The following NFXL1 variants were observed in gnomAD, a reference collection of about 807,000 sequenced individuals.
NFXL1 encodes the protein NF-X1-type zinc finger protein NFXL1.
A neutral mutation model predicts 123.3 loss-of-function variants in NFXL1; 66 were observed. The observed-to-expected ratio is 0.54, with a 90% CI of 0.44 to 0.66. The LOEUF is 0.66. Among genes scored for constraint, NFXL1 ranks in the 30% least tolerant of loss-of-function variants. The pLI, the probability that NFXL1 is intolerant of heterozygous loss-of-function variation, is 0.00. For synonymous variants in NFXL1, 346 were observed against 360.8 expected (o/e 0.96, Z 0.46); for missense variants, 944 against 1,125.6 (o/e 0.84, Z 2.31).
intron 20 of NFXL1, among the ~76,000 whole-genome samples, chr4:47,854,603 T>G (rs1734296639): frequency 6.6e-6 from 1 of 152,132 alleles, no homozygotes; most frequent in Non-Finnish European, 1.5e-5. Context: ...GCTATTCATA[T>G]GAGGTCTTTT....
At chr4:47,911,105 T>C (rs1403070510) in intron 2 of NFXL1, 111 bp from the exon 3 acceptor site, 9 of 587,324 alleles carry the variant, frequency 1.5e-5, no homozygotes, top group East Asian at 3.2e-5. Context: ...CTTTGGAGCA[T>C]TCTACCTTCC....
chr4:47,860,435 T>C (rs753843317), intron 19 of NFXL1, among the ~76,000 whole-genome samples: 7 of 152,228 alleles, frequency 4.6e-5, no homozygotes, highest in South Asian at 2.1e-4. Flanking sequence ...TAATAATCCA[T>C]AGAGTGTGTA....
chr4:47,875,885 A>C (rs1735717464), intron 17 of NFXL1, among the ~76,000 whole-genome samples: 1 of 152,188 alleles, frequency 6.6e-6, no homozygotes, highest in Non-Finnish European at 1.5e-5. Flanking sequence ...GTAACTTAAC[A>C]AGGCACCTCC....
At chr4:47,883,260 A>G (rs1736224493) in intron 15 of NFXL1, among the ~76,000 whole-genome samples, 1 of 152,122 alleles carries the variant, frequency 6.6e-6, no homozygotes, top group South Asian at 2.1e-4. Context: ...AAAACAAAAA[A>G]AAACAGACTA....
At chr4:47,908,867 T>G (rs1440343901) in intron 3 of NFXL1, among the ~76,000 whole-genome samples, 1 of 149,916 alleles carries the variant, frequency 6.7e-6, no homozygotes, top group African/African-American at 2.5e-5. Context: ...AGGCAGGAGA[T>G]TGGCATGAAC....
chr4:47,871,699 C>T (rs1430229888), intron 18 of NFXL1, among the ~76,000 whole-genome samples: 3 of 152,116 alleles, frequency 2.0e-5, no homozygotes, highest in Non-Finnish European at 2.9e-5. Flanking sequence ...ATTCCCCCTA[C>T]AAAACTTCTA....
At chr4:47,895,308 C>A (rs1380820997) in intron 10 of NFXL1, among the ~76,000 whole-genome samples, 1 of 152,052 alleles carries the variant, frequency 6.6e-6, no homozygotes, top group Non-Finnish European at 1.5e-5. Context: ...CTACATTAGC[C>A]CTTAAGAAGA....
intron 18 of NFXL1, among the ~76,000 whole-genome samples, chr4:47,864,714 C>T (rs1297210143): frequency 6.6e-6 from 1 of 152,118 alleles, no homozygotes; most frequent in African/African-American, 2.4e-5. Context: ...CACAGAGGTT[C>T]CTGGAGGGTG....
At chr4:47,899,313 T>A in intron 6 of NFXL1, 57 bp downstream of exon 6, 1 of 1,453,546 alleles carries the variant, frequency 6.9e-7, no homozygotes, top group Non-Finnish European at 9.4e-7. Flanking sequence ...TTTTTTTGCC[T>A]CAATATAAGA....
chr4:47,863,108 CT>C (rs1411291706), intron 18 of NFXL1, among the ~76,000 whole-genome samples, 193 bp from the exon 19 acceptor site: 1 of 152,182 alleles, frequency 6.6e-6, no homozygotes, highest in Admixed American at 6.5e-5. Flanking sequence ...CCATCCAGCC[CT>C]TTACTACTAA....
intron 20 of NFXL1, among the ~76,000 whole-genome samples, chr4:47,852,978 T>A (rs1217007297): frequency 1.3e-5 from 2 of 151,722 alleles, no homozygotes; most frequent in Non-Finnish European, 2.9e-5. Context: ...TTTTTTTTTT[T>A]ATTCCTTAGT....
At chr4:47,914,285 A>C in intron 1 of NFXL1, 80 bp from the exon 2 acceptor site, 1 of 1,154,352 alleles carries the variant, frequency 8.7e-7, no homozygotes, top group Non-Finnish European at 1.2e-6. Flanking sequence ...TCAGTGCGGA[A>C]ACCCGGTGTG....
intron 18 of NFXL1, among the ~76,000 whole-genome samples, chr4:47,869,058 C>T (rs1735275833): frequency 6.6e-6 from 1 of 152,044 alleles, no homozygotes; most frequent in Non-Finnish European, 1.5e-5. Context: ...CACAACTCTA[C>T]AAAAAGTTTC....
At chr4:47,905,202 G>C (rs771600788) in intron 4 of NFXL1, 35 bp downstream of exon 4, 6 of 836,270 alleles carry the variant, frequency 7.2e-6, no homozygotes, top group Non-Finnish European at 1.0e-5. Flanking sequence ...GTATTTTGGG[G>C]AGATACATTA....
rs1275908901 is a variant in NFXL1 at position 47,914,006 on chromosome 4, G to C, written c.198C>G (p.Pro66=). ...TTAAAGSRHS[P]AGSQALQTTA... is the part of the protein sequence containing the mutation. ...TAGTCTGCAGGGCTTGGGATCCTGCGGGGCTGTGCCTGCTCCCTGCAGCCG... is the reference window on the plus strand; with the variant it reads ...TAGTCTGCAGGGCTTGGGATCCTGCCGGGCTGTGCCTGCTCCCTGCAGCCG... The change falls in exon 2 of 23, where the codon CCC becomes CCG. Residue 66 remains proline, a synonymous_variant. Transcript: ENST00000507489. 6 of 1,548,220 alleles carry C rather than the reference G, an allele frequency of 3.9e-6. No individual in the cohort carries two copies. The highest frequency in any genetic ancestry group is 2.4e-5 in the South Asian group (2 of 83,984).
intron 18 of NFXL1, among the ~76,000 whole-genome samples, chr4:47,874,397 C>T (rs11933101): frequency 6.6e-6 from 1 of 151,904 alleles, no homozygotes; most frequent in Admixed American, 6.6e-5. Context: ...TATTAATTGG[C>T]CTAATTTCAA....
chr4:47,862,475 G>A (rs375199888), intron 19 of NFXL1, among the ~76,000 whole-genome samples: 2 of 151,756 alleles, frequency 1.3e-5, no homozygotes, highest in Admixed American at 6.6e-5. Flanking sequence ...ATACACACAC[G>A]CACCCCTATT....
chr4:47,890,877 G>C (rs1015508974), intron 11 of NFXL1, among the ~76,000 whole-genome samples, 174 bp from the exon 12 acceptor site: 3 of 152,066 alleles, frequency 2.0e-5, no homozygotes, highest in Admixed American at 2.0e-4. Context: ...AAGAACTTAT[G>C]ATGACCTAAT....
chr4:47,857,903 T>G (rs1414584832), intron 19 of NFXL1, among the ~76,000 whole-genome samples: 2 of 152,154 alleles, frequency 1.3e-5, no homozygotes, highest in African/African-American at 4.8e-5. Context: ...ATCCTGCCTT[T>G]CCCAAAGCTT....
Sources: gnomAD v4.1 joint callset for allele counts (sites outside exome capture counted in the v4.1 genomes callset) on GRCh38, gnomAD v4.1.1 for gene constraint, MANE v1.5 for transcripts, NCBI Gene and HGNC (gene_info 2026-07-23, HGNC 2026-07-21) for gene names.